Variants in CD164 observed in about 807,000 individuals in gnomAD.
CD164 encodes sialomucin core protein 24.
Under a neutral mutation model 24.6 loss-of-function variants are expected in CD164, and 11 were observed. That is an observed-to-expected ratio of 0.45 (90% CI 0.28 to 0.74). CD164 has a LOEUF of 0.74. Ranked by LOEUF, CD164 falls within the 30% of genes least tolerant of loss-of-function variation. The pLI is 0.13. For synonymous variants in CD164, 126 were observed against 100.3 expected (o/e 1.26, Z -1.53); for missense variants, 295 against 243.7 (o/e 1.21, Z -1.40).
In CD164 at chr6:109,367,315, G is replaced by C. The variant is rs1296897598; in HGVS notation, c.*1536C>G. 1 of 152,528 alleles carries C rather than the reference G, an allele frequency of 6.6e-6. No homozygotes were observed. Among genetic ancestry groups the C allele is most frequent in the Non-Finnish European group, 1.5e-5 (1 of 67,972 alleles). 9.4% of individuals were successfully genotyped at this position (152,528 alleles called of 1,614,324 possible). ...AACCTTTAATAGTTATCTAAATGCA[G>C]AGTTTGTTTATGAAATGAAACAAAG... is the stretch of plus-strand genomic sequence containing the variant. On this transcript the variant is annotated 3_prime_UTR_variant, in exon 6 of 6. Coordinates refer to ENST00000310786, the MANE Select transcript of CD164 (RefSeq NM_006016.6).
intron 4 of CD164, among the ~76,000 whole-genome samples, chr6:109,373,656 C>T (rs537321328): frequency 5.3e-5 from 8 of 152,308 alleles, no homozygotes; most frequent in African/African-American, 1.9e-4. Context: ...ACTCCCTGCA[C>T]CCCATTTTCT....
At chr6:109,374,376 A>T (rs1317416152) in intron 4 of CD164, among the ~76,000 whole-genome samples, 7 of 151,972 alleles carry the variant, frequency 4.6e-5, no homozygotes, top group African/African-American at 1.5e-4. Flanking sequence ...CTTTGGTGAA[A>T]ATTCCTCCCC....
At chr6:109,374,500 T>G (rs1179467951) in intron 4 of CD164, among the ~76,000 whole-genome samples, 1 of 152,182 alleles carries the variant, frequency 6.6e-6, no homozygotes, top group East Asian at 1.9e-4. Context: ...CTAGAATTAT[T>G]GTAACAGGCT....
At position 109,367,659 on chromosome 6, in the gene CD164, G is replaced by A. The variant is rs1191801330; in HGVS notation, c.*1192C>T. On this transcript the variant is annotated 3_prime_UTR_variant, in exon 6 of 6. Coordinates refer to ENST00000310786, the MANE Select transcript of CD164 (RefSeq NM_006016.6). ...CCAGGACAATCAGTAAAAATCTACA[G>A]TAACCTGATCAACCAAAAAATCCTT... is the stretch of plus-strand genomic sequence containing the variant. 1 of 152,564 alleles carries A rather than the reference G, an allele frequency of 6.6e-6. No homozygotes were observed. The highest frequency in any genetic ancestry group is 2.4e-5 in the African/African-American group (1 of 41,442). 9.5% of individuals were successfully genotyped at this position (152,564 alleles called of 1,614,324 possible). A position where few individuals can be genotyped will look rare whatever the true frequency, so the allele number is the denominator to read the frequency against.
intron 4 of CD164, among the ~76,000 whole-genome samples, chr6:109,373,796 C>A (rs1255197231): frequency 2.0e-5 from 3 of 152,206 alleles, no homozygotes; most frequent in Non-Finnish European, 4.4e-5. Flanking sequence ...ATATAATCAT[C>A]AGCTCAAAAT....
rs1770847947 is a variant in CD164, at chr6:109,367,769, ATAT to A, written c.*1079_*1081del. On this transcript the variant is annotated 3_prime_UTR_variant, in exon 6 of 6. Coordinates refer to ENST00000310786, the MANE Select transcript of CD164 (RefSeq NM_006016.6). ...ATTTAAAATAAATGATTCTAAAATA[ATAT>A]GATTGTCTCATTTAAATAGTAAATG... 1 of 152,608 alleles carries A rather than the reference ATAT, an allele frequency of 6.6e-6. No individual in the cohort carries two copies. Among genetic ancestry groups the A allele is most frequent in the East Asian group, 1.9e-4 (1 of 5,190 alleles). 9.5% of individuals were successfully genotyped at this position (152,608 alleles called of 1,614,324 possible). A position where few individuals can be genotyped will look rare whatever the true frequency, so the allele number is the denominator to read the frequency against.
intron 3 of CD164, among the ~76,000 whole-genome samples, chr6:109,376,438 T>C (rs916293188): frequency 1.3e-5 from 2 of 152,218 alleles, no homozygotes; most frequent in Non-Finnish European, 2.9e-5. Flanking sequence ...TTCATCCTGC[T>C]GGCAGGAAAA....
chr6:109,377,743 TAATC>T (rs1268670992), intron 3 of CD164, among the ~76,000 whole-genome samples, 153 bp downstream of exon 3: 1 of 152,082 alleles, frequency 6.6e-6, no homozygotes, highest in African/African-American at 2.4e-5. Context: ...TATCATCCTT[TAATC>T]AATCAATATG....
intron 3 of CD164, among the ~76,000 whole-genome samples, chr6:109,376,997 T>C (rs1260046401): frequency 6.6e-6 from 1 of 152,104 alleles, no homozygotes; most frequent in African/African-American, 2.4e-5. Flanking sequence ...ATTAGCCAGC[T>C]ATGGTGGCAT....
At chr6:109,370,372 A>G (rs1771009844) in intron 5 of CD164, 39 bp downstream of exon 5, 1 of 1,495,738 alleles carries the variant, frequency 6.7e-7, no homozygotes, top group Non-Finnish European at 9.3e-7. Context: ...CATCGTGCAC[A>G]CATCCTGCAT....
chr6:109,381,648 C>G, intron 1 of CD164: 1 of 698,504 alleles, frequency 1.4e-6, no homozygotes. Flanking sequence ...TCTGCAAAAC[C>G]AATGTAATTA....
intron 4 of CD164, among the ~76,000 whole-genome samples, chr6:109,374,205 CTGCCTA>C (rs1771269739): frequency 6.6e-6 from 1 of 152,210 alleles, no homozygotes; most frequent in African/African-American, 2.4e-5. Context: ...GCCTCTACTA[CTGCCTA>C]TGCCTATTTA....
At chr6:109,370,145 T>G (rs1474988128) in intron 5 of CD164, among the ~76,000 whole-genome samples, 1 of 152,214 alleles carries the variant, frequency 6.6e-6, no homozygotes, top group East Asian at 1.9e-4. Flanking sequence ...ATACAAGTTG[T>G]ACTGAAATGT....
chr6:109,375,821 A>G (rs1224461699), intron 4 of CD164: 1 of 367,402 alleles, frequency 2.7e-6, no homozygotes, highest in African/African-American at 2.1e-5. Context: ...TAAATCTATA[A>G]AAAGTACTTT....
intron 1 of CD164, among the ~76,000 whole-genome samples, chr6:109,381,248 T>C (rs1771720857): frequency 6.6e-6 from 1 of 152,206 alleles, no homozygotes; most frequent in African/African-American, 2.4e-5. Flanking sequence ...TGGCAATTTC[T>C]GCTTTAAAAT....
rs1770798990 is a variant in CD164, at chr6:109,367,058, A to G, written c.*1793T>C. The G allele has an allele frequency of 6.6e-6, 1 of 152,496 alleles. No individual in the cohort carries two copies. Among genetic ancestry groups the G allele is most frequent in the Admixed American group, 6.5e-5 (1 of 15,282 alleles). The allele number at this position is 152,496 out of a possible 1,614,324, so 9.4% of individuals were successfully genotyped here. A position where few individuals can be genotyped will look rare whatever the true frequency, so the allele number is the denominator to read the frequency against. On this transcript the variant is annotated 3_prime_UTR_variant, in exon 6 of 6. Coordinates refer to ENST00000310786, the MANE Select transcript of CD164 (RefSeq NM_006016.6). ...CCTATTTTCGAATTAATCCTACAGC[A>G]CTCACTAAAAACTAACAGCCATGGC...
chr6:109,370,075 C>T (rs1770991353), intron 5 of CD164, among the ~76,000 whole-genome samples: 1 of 152,150 alleles, frequency 6.6e-6, no homozygotes, highest in African/African-American at 2.4e-5. Flanking sequence ...TCGCCATGCT[C>T]TCTCATACAG....
In CD164 at chr6:109,368,772, G is replaced by T; in HGVS notation, c.*79C>A. On this transcript the variant is annotated 3_prime_UTR_variant, in exon 6 of 6. Transcript: ENST00000310786. ...TCCTGGAATAGCGTCTTCCATGTGG[G>T]ACATCTTAAAAGATAGTATTTTGGC... 6.6e-7 allele frequency: 1 copy of T among 1,511,308 alleles called. No homozygotes were observed. The highest frequency in any genetic ancestry group is 8.8e-7 in the Non-Finnish European group (1 of 1,134,696). The allele number at this position is 1,511,308 out of a possible 1,614,324, so 93.6% of individuals were successfully genotyped here.
At position 109,377,307 on chromosome 6, in the gene CD164, T is replaced by G. The variant is rs1421539991; in HGVS notation, c.331+593A>C. Among the ~76,000 whole-genome samples the G allele has an allele frequency of 2.0e-5, 3 of 152,338 alleles. No individual in the cohort carries two copies. In the East Asian group the frequency reaches 5.8e-4, roughly 29 times the overall value. ...AGGTTAGACACACTGCACAAAAATC[T>G]TTTTCCTATTCAATTATTATCTATG... is the stretch of plus-strand genomic sequence containing the variant. On this transcript the variant is annotated intron_variant, in intron 3 of 5. Transcript: ENST00000310786.
Sources: gnomAD v4.1 joint callset for allele counts (sites outside exome capture counted in the v4.1 genomes callset) on GRCh38, gnomAD v4.1.1 for gene constraint, MANE v1.5 for transcripts, NCBI Gene and HGNC (gene_info 2026-07-23, HGNC 2026-07-21) for gene names.